The following MCTP2 variants were observed in gnomAD, a reference collection of about 807,000 sequenced individuals.
MCTP2 encodes the protein multiple C2 and transmembrane domain-containing protein 2.
In MCTP2, 132 loss-of-function variants were observed where a neutral mutation model predicts 111.6. The ratio of observed to expected loss-of-function variants is 1.18; its 90% confidence interval spans 1.03 to 1.37. The LOEUF (loss-of-function observed/expected upper bound fraction) is 1.37. Ranked by LOEUF, MCTP2 falls within the 40% of genes most tolerant of loss-of-function variation. The pLI is 0.00. For missense variants in MCTP2, 1,183 were observed against 1,067.9 expected (o/e 1.11, Z -1.50); for synonymous variants, 395 against 387.7 (o/e 1.02, Z -0.22).
At chr15:94,309,555 G>A (rs371697315) in intron 2 of MCTP2, among the ~76,000 whole-genome samples, 2 of 152,156 alleles carry the variant, frequency 1.3e-5, no homozygotes, top group African/African-American at 2.4e-5. Context: ...AGCCACATGG[G>A]AGATGGTATT....
In MCTP2 at chr15:94,417,913, C is replaced by T. The variant is rs573462618; in HGVS notation, c.2085+15894C>T. The stretch of plus-strand genomic sequence containing the variant: ...ACATTGAATATGTACAGAGCTATTG[C>T]AGGCTTAATGTGAACTTACTGCAAG... On this transcript the variant is annotated intron_variant, in intron 17 of 22. Coordinates refer to ENST00000357742, the MANE Select transcript of MCTP2 (RefSeq NM_001385001.1). 1.1e-4 allele frequency among the ~76,000 whole-genome samples: 17 copies of T among 152,210 alleles called. 1 individual carries two copies. In the South Asian group the frequency reaches 3.3e-3, roughly 30 times the overall value.
At chr15:94,239,463 A>G (rs2070785689) in intron 1 of MCTP2, among the ~76,000 whole-genome samples, 1 of 152,194 alleles carries the variant, frequency 6.6e-6, no homozygotes, top group Non-Finnish European at 1.5e-5. Flanking sequence ...TACAGCGACA[A>G]TGCTTCACTT....
chr15:94,295,038 C>T (rs2075206122), intron 1 of MCTP2, among the ~76,000 whole-genome samples: 1 of 146,500 alleles, frequency 6.8e-6, no homozygotes, highest in Admixed American at 7.0e-5. Flanking sequence ...CAACCTCCGC[C>T]TCCTCGGTTC....
chr15:94,400,601 CTTT>C (rs34352208), intron 16 of MCTP2, among the ~76,000 whole-genome samples: 3 of 136,510 alleles, frequency 2.2e-5, no homozygotes, highest in Admixed American at 7.4e-5. Context: ...GGAAGTTTCA[CTTT>C]TTTTTTTTTT....
At chr15:94,287,833 G>A (rs1470366282) in intron 1 of MCTP2, among the ~76,000 whole-genome samples, 1 of 152,158 alleles carries the variant, frequency 6.6e-6, no homozygotes. Flanking sequence ...ATTTAATGCA[G>A]TCCCAGATCC....
At chr15:94,435,179 G>T (rs2083404293) in intron 17 of MCTP2, among the ~76,000 whole-genome samples, 1 of 151,994 alleles carries the variant, frequency 6.6e-6, no homozygotes, top group Non-Finnish European at 1.5e-5. Flanking sequence ...TTTTCATATA[G>T]TGTTTAGAAT....
chr15:94,368,620 G>T (rs534731580), intron 11 of MCTP2, among the ~76,000 whole-genome samples: 5 of 152,288 alleles, frequency 3.3e-5, no homozygotes, highest in African/African-American at 1.2e-4. Context: ...ATCTTCGGGA[G>T]TACAAGACCT....
intron 12 of MCTP2, among the ~76,000 whole-genome samples, chr15:94,382,883 A>C (rs891828956): frequency 1.3e-5 from 2 of 152,250 alleles, no homozygotes; most frequent in Non-Finnish European, 2.9e-5. Flanking sequence ...TTTCCCTGAC[A>C]GTTCCAAATC....
At position 94,477,143 on chromosome 15, in the gene MCTP2, A is replaced by G. The variant is rs2074433199; in HGVS notation, c.2568+350A>G. Reference sequence around the variant, plus strand: ...GATCCAAACCCAGGGAGTGTTGCTTATTTTCTTCTTCCGGGTGGCAAGCAT... The same window carrying G: ...GATCCAAACCCAGGGAGTGTTGCTTGTTTTCTTCTTCCGGGTGGCAAGCAT... On this transcript the variant is annotated intron_variant, in intron 22 of 22. Coordinates refer to ENST00000357742, the MANE Select transcript of MCTP2 (RefSeq NM_001385001.1). Among the ~76,000 whole-genome samples, 2 of 152,016 alleles carry G rather than the reference A, an allele frequency of 1.3e-5. 1 individual carries two copies. The highest frequency in any genetic ancestry group is 4.1e-4 in the South Asian group (2 of 4,824).
intron 17 of MCTP2, among the ~76,000 whole-genome samples, chr15:94,435,533 T>G (rs2083422087): frequency 6.6e-6 from 1 of 151,996 alleles, no homozygotes; most frequent in African/African-American, 2.4e-5. Context: ...TTGCTGAATT[T>G]AGTTGTCATT....
intron 20 of MCTP2, among the ~76,000 whole-genome samples, chr15:94,464,872 G>C (rs2073131875): frequency 6.6e-6 from 1 of 151,946 alleles, no homozygotes; most frequent in Non-Finnish European, 1.5e-5. Context: ...AGAAAATATT[G>C]ATCCAGCAAT....
chr15:94,453,797 A>T (rs1419708537), intron 19 of MCTP2, among the ~76,000 whole-genome samples: 1 of 152,204 alleles, frequency 6.6e-6, no homozygotes, highest in South Asian at 2.1e-4. Flanking sequence ...TGATCATGTC[A>T]CTGACATTTG....
At chr15:94,323,769 C>T (rs912157230) in intron 4 of MCTP2, among the ~76,000 whole-genome samples, 15 of 152,180 alleles carry the variant, frequency 9.9e-5, no homozygotes, top group Non-Finnish European at 1.8e-4. Flanking sequence ...GAATGGCCGC[C>T]ATCTTCCTGC....
intron 17 of MCTP2, among the ~76,000 whole-genome samples, chr15:94,439,546 A>C (rs2083660147): frequency 6.6e-6 from 1 of 152,162 alleles, no homozygotes; most frequent in African/African-American, 2.4e-5. Context: ...TCATGTCTCT[A>C]ATAACCATTG....
At chr15:94,387,073 C>T (rs1200941788) in intron 14 of MCTP2, among the ~76,000 whole-genome samples, 1 of 152,012 alleles carries the variant, frequency 6.6e-6, no homozygotes, top group Non-Finnish European at 1.5e-5. Context: ...AAAGCATTAG[C>T]ATAGGTTACT....
intron 12 of MCTP2, among the ~76,000 whole-genome samples, chr15:94,380,312 G>T (rs1266139588): frequency 2.6e-5 from 4 of 152,146 alleles, no homozygotes; most frequent in African/African-American, 7.2e-5. Flanking sequence ...AACTCAGTTT[G>T]CTGTGGGATG....
At chr15:94,409,473 C>T (rs147958242) in intron 17 of MCTP2, among the ~76,000 whole-genome samples, 1 of 152,016 alleles carries the variant, frequency 6.6e-6, no homozygotes, top group East Asian at 1.9e-4. Flanking sequence ...TATTCCTATT[C>T]CATTAGTTCC....
At chr15:94,261,357 C>T (rs2073168860) in intron 1 of MCTP2, among the ~76,000 whole-genome samples, 1 of 152,174 alleles carries the variant, frequency 6.6e-6, no homozygotes, top group Non-Finnish European at 1.5e-5. Context: ...GTTCACACTA[C>T]CACCTGATTG....
At chr15:94,350,975 T>G (rs1231625403) in intron 8 of MCTP2, among the ~76,000 whole-genome samples, 1 of 152,156 alleles carries the variant, frequency 6.6e-6, no homozygotes, top group Non-Finnish European at 1.5e-5. Context: ...TTAACTATTT[T>G]TTTAAATCTT....
Sources: gnomAD v4.1 joint callset for allele counts (sites outside exome capture counted in the v4.1 genomes callset) on GRCh38, gnomAD v4.1.1 for gene constraint, MANE v1.5 for transcripts, NCBI Gene and HGNC (gene_info 2026-07-23, HGNC 2026-07-21) for gene names.